Variants in SGMS1 observed in about 807,000 individuals in gnomAD.
SGMS1 encodes phosphatidylcholine:ceramide cholinephosphotransferase 1.
In SGMS1, 13 loss-of-function variants were observed where a neutral mutation model predicts 46.2. The ratio of observed to expected loss-of-function variants is 0.28; its 90% CI spans 0.18 to 0.45. The LOEUF (loss-of-function observed/expected upper bound fraction) is 0.45. Ranked by LOEUF, SGMS1 falls within the 20% of genes least tolerant of loss-of-function variation. The probability of loss-of-function intolerance (pLI) is 1.00; values close to 1 mark genes in which losing one functional copy is unlikely to be tolerated. For synonymous variants in SGMS1, 203 were observed against 187.8 expected (o/e 1.08, Z -0.66); for missense variants, 324 against 519.9 (o/e 0.62, Z 3.66).
In SGMS1 at chr10:50,563,377, T is replaced by G. The variant is rs191608027; in HGVS notation, c.-589+26776A>C. ...TTGCTAATTCAATTACAGGAATGTA[T>G]TATACCATTGTTAAAATGAACTTCT... On this transcript the variant is annotated intron_variant, in intron 2 of 10. Transcript: ENST00000361781. Among the ~76,000 whole-genome samples the G allele has an allele frequency of 1.0e-3, 154 of 152,342 alleles. 1 individual carries two copies. Among genetic ancestry groups the G allele is most frequent in the African/African-American group, 3.5e-3 (145 of 41,576 alleles).
At chr10:50,568,485 A>G (rs1428671436) in intron 2 of SGMS1, among the ~76,000 whole-genome samples, 1 of 152,136 alleles carries the variant, frequency 6.6e-6, no homozygotes, top group Non-Finnish European at 1.5e-5. Flanking sequence ...CAGAATTCCC[A>G]TCATTCCCAT....
Position 50,344,099 on chromosome 10 carries a change from A to G in SGMS1, c.16T>C (p.Tyr6His). 6.2e-7 allele frequency: 1 copy of G among 1,609,412 alleles called. No individual in the cohort carries two copies. The highest frequency in any genetic ancestry group is 1.1e-5 in the South Asian group (1 of 90,714). Residue 6 changes from tyrosine to histidine, a missense_variant, in exon 7 of 11, where the codon TAT (tyrosine) becomes CAT (histidine). Physicochemically the swap from Tyr to His is moderately conservative, Grantham distance 83. Around this residue, in one of 2 missense-constraint regions of SGMS1, gnomAD observed 150 missense variants for 169.8 expected, o/e 0.88. Coordinates refer to ENST00000361781, the MANE Select transcript of SGMS1 (RefSeq NM_147156.4). MKEVV[Y>H]WSPKKVADWL... The stretch of plus-strand genomic sequence containing the variant: ...TCTGCCACCTTCTTGGGTGACCAAT[A>G]AACCACTTCCTTCATTGTACTGGCA...
At chr10:50,484,188 C>G (rs906088562) in intron 3 of SGMS1, among the ~76,000 whole-genome samples, 1 of 151,752 alleles carries the variant, frequency 6.6e-6, no homozygotes, top group Non-Finnish European at 1.5e-5. Context: ...ATCAACTAGA[C>G]AAAATAAAAA....
chr10:50,458,413 T>C (rs1461771522), intron 5 of SGMS1, among the ~76,000 whole-genome samples: 2 of 136,118 alleles, frequency 1.5e-5, no homozygotes, highest in Non-Finnish European at 3.1e-5. Flanking sequence ...TGGAGTGCAG[T>C]GGCACAATCT....
chr10:50,594,780 A>C lies in SGMS1; in HGVS notation c.-683-4533T>G, dbSNP rs903561187. ...GAGTAGGAAGGAAAGAAGAAATGTTATCATAAATTTAAAAGAGACTCATAT... is the reference window on the plus strand; with the variant it reads ...GAGTAGGAAGGAAAGAAGAAATGTTCTCATAAATTTAAAAGAGACTCATAT... On this transcript the variant is annotated intron_variant, in intron 1 of 10. Coordinates refer to ENST00000361781, the MANE Select transcript of SGMS1 (RefSeq NM_147156.4). Among the ~76,000 whole-genome samples, 8 of 152,270 alleles carry C rather than the reference A, an allele frequency of 5.3e-5. No individual in the cohort carries two copies. In the South Asian group the frequency reaches 1.7e-3, roughly 31 times the overall value.
At chr10:50,488,062 G>A (rs980199384) in intron 3 of SGMS1, among the ~76,000 whole-genome samples, 2 of 151,362 alleles carry the variant, frequency 1.3e-5, no homozygotes, top group African/African-American at 4.9e-5. Context: ...TGCCCAGGCT[G>A]GAAAACAGTG....
chr10:50,542,107 C>A (rs1422734834), intron 2 of SGMS1, among the ~76,000 whole-genome samples: 2 of 152,144 alleles, frequency 1.3e-5, no homozygotes, highest in Admixed American at 6.5e-5. Context: ...TGACACACAG[C>A]TTTGAAGCTA....
At chr10:50,330,351 G>A (rs1847601244) in intron 7 of SGMS1, among the ~76,000 whole-genome samples, 1 of 151,452 alleles carries the variant, frequency 6.6e-6, no homozygotes. Flanking sequence ...TGGACATGGT[G>A]GCATGCGCCT....
At chr10:50,581,173 G>A (rs534115916) in intron 2 of SGMS1, among the ~76,000 whole-genome samples, 1 of 152,354 alleles carries the variant, frequency 6.6e-6, no homozygotes, top group African/African-American at 2.4e-5. Flanking sequence ...AAATAAGTAT[G>A]TAAGGAGCGG....
chr10:50,445,590 C>T (rs11591645), intron 5 of SGMS1, among the ~76,000 whole-genome samples: 18,240 of 152,152 alleles, frequency 0.12, 1,233 homozygotes, highest in Middle Eastern at 0.21. Context: ...TTATCACTTC[C>T]CCAATCAATA....
intron 3 of SGMS1, among the ~76,000 whole-genome samples, chr10:50,491,677 A>T (rs1837569401): frequency 6.6e-6 from 1 of 152,114 alleles, no homozygotes. Context: ...AGTAACAAAT[A>T]CCCTACCAAC....
At chr10:50,515,540 G>A (rs1246064686) in intron 3 of SGMS1, among the ~76,000 whole-genome samples, 1 of 152,234 alleles carries the variant, frequency 6.6e-6, no homozygotes, top group African/African-American at 2.4e-5. Flanking sequence ...CAGAACTGGA[G>A]CAGTGGCAAT....
intron 6 of SGMS1, among the ~76,000 whole-genome samples, chr10:50,416,411 C>T (rs1050790966): frequency 1.3e-5 from 2 of 152,194 alleles, no homozygotes; most frequent in African/African-American, 2.4e-5. Context: ...GTATACAAAG[C>T]ATCTCAGTGC....
intron 3 of SGMS1, among the ~76,000 whole-genome samples, chr10:50,474,651 T>G (rs1326911213): frequency 6.6e-6 from 1 of 152,188 alleles, no homozygotes; most frequent in East Asian, 1.9e-4. Flanking sequence ...CACAGAATAT[T>G]AGAATTTTTC....
Position 50,584,498 on chromosome 10 carries a change from CAAAAAAAAAAA to C in SGMS1, c.-589+5644_-589+5654del, listed in dbSNP as rs751224205. Among the ~76,000 whole-genome samples the C allele has an allele frequency of 7.2e-4, 50 of 69,562 alleles. 1 individual carries two copies. Among genetic ancestry groups the C allele is most frequent in the Middle Eastern group, 5.7e-3 (1 of 174 alleles). 45.6% of individuals were successfully genotyped at this position (69,562 alleles called of 152,430 possible). ...TGGGTGACAGTGCGAGACTCCATCT[CAAAAAAAAAAA>C]AAAAAAAAAAAGATCAACTACACCT... On this transcript the variant is annotated intron_variant, in intron 2 of 10. Coordinates refer to ENST00000361781, the MANE Select transcript of SGMS1 (RefSeq NM_147156.4).
intron 2 of SGMS1, among the ~76,000 whole-genome samples, chr10:50,529,436 A>G (rs1349300226): frequency 6.6e-6 from 1 of 152,166 alleles, no homozygotes; most frequent in Non-Finnish European, 1.5e-5. Flanking sequence ...GGATGTTCAC[A>G]CTCAGCCATA....
At chr10:50,425,650 T>C (rs943832607) in intron 6 of SGMS1, among the ~76,000 whole-genome samples, 5 of 152,230 alleles carry the variant, frequency 3.3e-5, no homozygotes, top group African/African-American at 4.8e-5. Flanking sequence ...CTATGCTCGC[T>C]ACCTGGATAA....
intron 2 of SGMS1, among the ~76,000 whole-genome samples, chr10:50,587,232 T>C (rs538118817): frequency 1.6e-5 from 1 of 61,130 alleles, no homozygotes; most frequent in East Asian, 2.9e-3. Context: ...ATTGGAAAAT[T>C]TTTTTGGAGA....
intron 3 of SGMS1, among the ~76,000 whole-genome samples, chr10:50,487,571 T>A (rs1022673593): frequency 2.0e-5 from 3 of 152,222 alleles, no homozygotes; most frequent in Non-Finnish European, 4.4e-5. Flanking sequence ...TTTGTACACG[T>A]TTTTTATGCC....
Sources: gnomAD v4.1 joint callset for allele counts (sites outside exome capture counted in the v4.1 genomes callset) on GRCh38, gnomAD v4.1.1 for gene constraint, gnomAD v4.1.1 regional missense constraint, MANE v1.5 for transcripts, NCBI Gene and HGNC (gene_info 2026-07-23, HGNC 2026-07-21) for gene names.